Variants in GSE1 observed in about 807,000 individuals in gnomAD.
The protein encoded by GSE1 is Gse1 coiled-coil protein, also known as genetic suppressor element 1.
GSE1 carries 32 observed loss-of-function variants against 112.6 expected under a neutral mutation model. The observed-to-expected ratio is 0.28, with a 90% confidence interval of 0.21 to 0.38. GSE1 has a LOEUF of 0.38. Ranked by LOEUF, GSE1 falls within the 10% of genes least tolerant of loss-of-function variation. GSE1 has a pLI of 1.00. For synonymous variants in GSE1, 1,115 were observed against 735.6 expected (o/e 1.52, Z -8.35); for missense variants, 2,348 against 1,699.2 (o/e 1.38, Z -6.71).
intron 2 of GSE1, among the ~76,000 whole-genome samples, chr16:85,534,782 G>A (rs1455850283): frequency 1.3e-5 from 2 of 151,956 alleles, no homozygotes; most frequent in Non-Finnish European, 2.9e-5. Flanking sequence ...GTCACACAGC[G>A]TTGCTCCCCT....
chr16:85,182,750 G>A (rs549572511), intron 1 of GSE1, among the ~76,000 whole-genome samples: 93 of 152,194 alleles, frequency 6.1e-4, no homozygotes, highest in African/African-American at 2.2e-3. Context: ...AGGCGTGCTG[G>A]GAGCCGCCTG....
Position 85,648,686 on chromosome 16 carries a change from C to T in GSE1, c.361C>T (p.Pro121Ser), listed in dbSNP as rs768122336. The change falls in exon 3 of 16, where the codon CCC becomes TCC. Residue 121 changes from proline (P) to serine (S), a missense_variant. Physicochemically the swap from Pro to Ser is moderately conservative, Grantham distance 74. Coordinates refer to ENST00000253458, the MANE Select transcript of GSE1 (RefSeq NM_014615.5). ...PPGGHSVPST[P>S]PVVTIAPTKT... is the part of the protein sequence containing the mutation. ...TGGGGGCCACAGCGTGCCCAGCACCCCCCCCGTGGTGACCATCGCTCCAAC... is the reference window on the plus strand; with the variant it reads ...TGGGGGCCACAGCGTGCCCAGCACCTCCCCCGTGGTGACCATCGCTCCAAC... The T allele has an allele frequency of 6.2e-7, 1 of 1,607,822 alleles. No individual in the cohort carries two copies. The highest frequency in any genetic ancestry group is 8.5e-7 in the Non-Finnish European group (1 of 1,176,776).
chr16:85,576,576 A>G (rs1261027316), intron 1 of GSE1, among the ~76,000 whole-genome samples: 1 of 152,088 alleles, frequency 6.6e-6, no homozygotes, highest in Admixed American at 6.5e-5. Flanking sequence ...CTCTCCCGGG[A>G]GAAGCTGTCC....
At chr16:85,667,784 G>A (rs984356357) in intron 13 of GSE1, among the ~76,000 whole-genome samples, 1 of 152,172 alleles carries the variant, frequency 6.6e-6, no homozygotes, top group Non-Finnish European at 1.5e-5. Context: ...GCTTGAACCT[G>A]GGAGGGGAAG....
At chr16:85,619,294 C>T (rs999159198) in intron 1 of GSE1, among the ~76,000 whole-genome samples, 1 of 152,210 alleles carries the variant, frequency 6.6e-6, no homozygotes, top group African/African-American at 2.4e-5. Flanking sequence ...TCTGTGGCCA[C>T]AGGCAGCAAT....
intron 1 of GSE1, among the ~76,000 whole-genome samples, chr16:85,321,159 G>A (rs921098005): frequency 3.9e-5 from 6 of 152,128 alleles, no homozygotes; most frequent in Non-Finnish European, 7.3e-5. Context: ...CTCTTCTGCC[G>A]GTGTCCTAGA....
At chr16:85,561,215 C>T (rs1029519860) in intron 1 of GSE1, among the ~76,000 whole-genome samples, 8 of 152,250 alleles carry the variant, frequency 5.3e-5, no homozygotes, top group Non-Finnish European at 1.0e-4. Context: ...GGTGCTTCCT[C>T]AGAACAGCTC....
intron 2 of GSE1, chr16:85,462,966 C>G (rs1423186630): frequency 3.7e-6 from 1 of 267,100 alleles, no homozygotes; most frequent in Non-Finnish European, 5.8e-6. Flanking sequence ...TCCCCCGCCC[C>G]CTCCGGGCCC....
At chr16:85,466,560 G>T (rs1321936337) in intron 2 of GSE1, among the ~76,000 whole-genome samples, 2 of 152,202 alleles carry the variant, frequency 1.3e-5, no homozygotes, top group African/African-American at 4.8e-5. Context: ...GATAGGGCCA[G>T]GTGGCCATGC....
At chr16:85,312,964 G>A (rs1006498490) in intron 1 of GSE1, among the ~76,000 whole-genome samples, 1 of 152,078 alleles carries the variant, frequency 6.6e-6, no homozygotes, top group African/African-American at 2.4e-5. Flanking sequence ...GGGATGAAGC[G>A]GGCCTCAGGG....
intron 1 of GSE1, among the ~76,000 whole-genome samples, chr16:85,329,079 T>C (rs2046285897): frequency 6.6e-6 from 1 of 152,070 alleles, no homozygotes; most frequent in Non-Finnish European, 1.5e-5. Flanking sequence ...CCCAGTGTTC[T>C]AACACTTGAA....
intron 2 of GSE1, among the ~76,000 whole-genome samples, chr16:85,467,892 A>G (rs2050169923): frequency 6.6e-6 from 1 of 152,238 alleles, no homozygotes; most frequent in African/African-American, 2.4e-5. Flanking sequence ...AACTTAGTGA[A>G]TGTTAGCACA....
chr16:85,404,917 T>A lies in GSE1; in HGVS notation c.2464+47274T>A, dbSNP rs56270981. ...CCCCCCGGATAATCCTCACTGTTAC[T>A]CTCAGGCCCCCCTGGATAATCCTCA... On this transcript the variant is annotated intron_variant, in intron 2 of 2. Transcript: ENST00000637419. Among the ~76,000 whole-genome samples, 143 of 17,972 alleles carry A rather than the reference T, an allele frequency of 8.0e-3. 1 individual carries two copies. Among genetic ancestry groups the A allele is most frequent in the Admixed American group, 0.036 (66 of 1,842 alleles). 11.8% of individuals were successfully genotyped at this position (17,972 alleles called of 152,430 possible).
At chr16:85,670,054 G>C (rs996845876) in intron 14 of GSE1, among the ~76,000 whole-genome samples, 14 of 152,220 alleles carry the variant, frequency 9.2e-5, no homozygotes, top group Non-Finnish European at 4.4e-5. Context: ...TTACAGGCGT[G>C]GTTGGCATCC....
chr16:85,424,483 C>T (rs2054703), intron 2 of GSE1, among the ~76,000 whole-genome samples: 95,970 of 151,564 alleles, frequency 0.63, 32,182 homozygotes, highest in Non-Finnish European at 0.74. Flanking sequence ...GGACAAGCCA[C>T]ATGGGAACCC....
chr16:85,323,872 G>A (rs1037132336), intron 1 of GSE1, among the ~76,000 whole-genome samples: 1 of 152,192 alleles, frequency 6.6e-6, no homozygotes, highest in East Asian at 1.9e-4. Context: ...AGAGTGGCTG[G>A]TCATCTGGCC....
intron 1 of GSE1, among the ~76,000 whole-genome samples, chr16:85,172,398 T>A (rs1467934015): frequency 6.6e-6 from 1 of 152,196 alleles, no homozygotes; most frequent in East Asian, 1.9e-4. Context: ...CTAAACAGAC[T>A]TTTCCCCCAG....
At chr16:85,466,677 A>G (rs1312775652) in intron 2 of GSE1, among the ~76,000 whole-genome samples, 1 of 148,728 alleles carries the variant, frequency 6.7e-6, no homozygotes, top group African/African-American at 2.5e-5. Flanking sequence ...TTGCAAATTA[A>G]AAAAAAAAAG....
At chr16:85,444,249 G>T (rs1242740586) in intron 2 of GSE1, among the ~76,000 whole-genome samples, 1 of 152,192 alleles carries the variant, frequency 6.6e-6, no homozygotes, top group Non-Finnish European at 1.5e-5. Flanking sequence ...CTCCCAAAGT[G>T]CTGGGATTAC....
Sources: gnomAD v4.1 joint callset for allele counts (sites outside exome capture counted in the v4.1 genomes callset) on GRCh38, gnomAD v4.1.1 for gene constraint, MANE v1.5 for transcripts, NCBI Gene and HGNC (gene_info 2026-07-23, HGNC 2026-07-21) for gene names.